TNRC18: variants seen among roughly 807,000 people sequenced by gnomAD.
TNRC18 encodes trinucleotide repeat containing 18, also known as trinucleotide repeat-containing gene 18 protein.
In TNRC18, 69 loss-of-function variants were observed where a neutral mutation model predicts 226.7. The ratio of observed to expected loss-of-function variants is 0.30; its 90% CI spans 0.25 to 0.37. TNRC18 has a LOEUF of 0.37. Ranked by LOEUF, TNRC18 falls within the 10% of genes least tolerant of loss-of-function variation. The pLI is 1.00. For synonymous variants in TNRC18, 2,449 were observed against 1,927.6 expected, an observed-to-expected ratio of 1.27 and a Z score of -7.09; for missense variants, 4,754 against 4,256.6, an observed-to-expected ratio of 1.12 and a Z score of -3.25.
In TNRC18 at chr7:5,394,016, T is replaced by C. The variant is rs1780483490; in HGVS notation, c.343+424A>G. Among the ~76,000 whole-genome samples the C allele has an allele frequency of 1.3e-5, 2 of 152,092 alleles. No homozygotes were observed. Among genetic ancestry groups the C allele is most frequent in the Non-Finnish European group, 1.5e-5 (1 of 68,012 alleles). Reference sequence around the variant, plus strand: ...AGCCACCATGCCCGGCCTGCTCCTGTAATTATTAATGAGCCTACTGTGTAC... The same window carrying C: ...AGCCACCATGCCCGGCCTGCTCCTGCAATTATTAATGAGCCTACTGTGTAC... On this transcript the variant is annotated intron_variant, in intron 3 of 29. Transcript: ENST00000430969. This position sits in a 1 kb window ranked among gnomAD's most constrained non-coding sequence, Gnocchi z 4.5.
In TNRC18 at chr7:5,377,473, C is replaced by T; in HGVS notation, c.2359G>A (p.Gly787Ser). The T allele has an allele frequency of 6.3e-7, 1 of 1,580,320 alleles. No homozygotes were observed. The highest frequency in any genetic ancestry group is 1.3e-5 in the African/African-American group (1 of 74,342). Residue 787 changes from glycine (G) to serine (S), a missense_variant, in exon 7 of 30, where the codon GGC becomes AGC. Gly to Ser is a moderately conservative substitution (Grantham distance 56). Coordinates refer to ENST00000430969, the MANE Select transcript of TNRC18 (RefSeq NM_001080495.3). The surrounding 1 kb of genome is among the most constrained non-coding windows in gnomAD (Gnocchi z 5.8). ...LMVTGGPALA[G>S]SGRWSADPAA... ...GGGTCGGCAGACCAGCGACCTGAGC[C>T]CGCCAGCGCCGGGCCCCCCGTCACC...
At chr7:5,347,936 G>C (rs561641910) in intron 17 of TNRC18, among the ~76,000 whole-genome samples, 4 of 152,282 alleles carry the variant, frequency 2.6e-5, no homozygotes, top group South Asian at 2.1e-4. Flanking sequence ...CTAGGTGACA[G>C]AGCAAGACTC....
At position 5,361,721 on chromosome 7, in the gene TNRC18, C is replaced by G. The variant is rs1793067667; in HGVS notation, c.4534G>C (p.Asp1512His). The G allele has an allele frequency of 6.4e-7, 1 of 1,564,114 alleles. No individual in the cohort carries two copies. Among genetic ancestry groups the G allele is most frequent in the Non-Finnish European group, 8.7e-7 (1 of 1,155,184 alleles). Residue 1512 changes from aspartate to histidine, a missense_variant and splice_region_variant, in exon 14 of 30, where the codon GAC becomes CAC. Asp to His is a moderately conservative substitution (Grantham distance 81). Transcript: ENST00000430969. ...CTTCTATGGGGTTCCTCGCGCCTGT[C>G]CCTTAAAAAGAATCACACGCTTGGC... Reference protein sequence around the residue: ...VKLQRRRDSEDRREEPHRSLA... With the variant: ...VKLQRRRDSEHRREEPHRSLA...
chr7:5,349,576 G>C (rs900605799), intron 17 of TNRC18, among the ~76,000 whole-genome samples: 1 of 152,220 alleles, frequency 6.6e-6, no homozygotes, highest in Admixed American at 6.5e-5. Context: ...ACGGAGGACA[G>C]AAAGAAAAGC....
At chr7:5,322,402 C>T (rs993518089) in intron 21 of TNRC18, among the ~76,000 whole-genome samples, 3 of 152,036 alleles carry the variant, frequency 2.0e-5, no homozygotes, top group Non-Finnish European at 2.9e-5. Context: ...GGGTTCAAGC[C>T]ATCCTCCCAC....
At chr7:5,364,444 C>T (rs1368484068) in intron 11 of TNRC18, among the ~76,000 whole-genome samples, 4 of 127,052 alleles carry the variant, frequency 3.1e-5, no homozygotes, top group South Asian at 2.7e-4. Flanking sequence ...GGCAACAGAG[C>T]GAGCCTGTCT....
rs553519874 is a variant in TNRC18 at position 5,343,421 on chromosome 7, T to C, written c.5719+2141A>G. ...ACAGGATAGTGTAAACATATGCTTT[T>C]GGTTTGGTCTTTTATTTTTGAGACA... On this transcript the variant is annotated intron_variant, in intron 18 of 29. Transcript: ENST00000430969. Among the ~76,000 whole-genome samples, 5 of 152,264 alleles carry C rather than the reference T, an allele frequency of 3.3e-5. No homozygotes were observed. The South Asian group carries it at 1.0e-3, about 32-fold the overall frequency.
intron 3 of TNRC18, among the ~76,000 whole-genome samples, chr7:5,392,813 G>A (rs1290248756): frequency 6.6e-6 from 1 of 152,088 alleles, no homozygotes; most frequent in Non-Finnish European, 1.5e-5. Flanking sequence ...TTCAAGACCA[G>A]CCTGGGACAC....
rs556483829 is a variant in TNRC18, at chr7:5,309,607, G to A, written c.8389-239C>T. On this transcript the variant is annotated intron_variant, in intron 27 of 29. Transcript: ENST00000430969. This position sits in a 1 kb window ranked among gnomAD's most constrained non-coding sequence, Gnocchi z 5.7. ...TGATCTAAGCATTCTGCCGCTACAA[G>A]ACTTCTTATTTTTGAGACAGGGTCT... Among the ~76,000 whole-genome samples the A allele has an allele frequency of 2.6e-5, 4 of 152,372 alleles. No individual in the cohort carries two copies. The highest frequency in any genetic ancestry group is 7.2e-5 in the African/African-American group (3 of 41,592).
Position 5,421,238 on chromosome 7 carries a change from G to C in TNRC18, c.9C>G (p.Gly3=), listed in dbSNP as rs1428265645. 3.8e-6 allele frequency: 5 copies of C among 1,301,444 alleles called. No individual in the cohort carries two copies. The African/African-American group carries it at 7.8e-5, about 20-fold the overall frequency. The allele number at this position is 1,301,444 out of a possible 1,614,324, so 80.6% of individuals were successfully genotyped here. Residue 3 remains glycine (G), a synonymous_variant, in exon 2 of 30, where the codon GGC becomes GGG. Coordinates refer to ENST00000430969, the MANE Select transcript of TNRC18 (RefSeq NM_001080495.3). The stretch of plus-strand genomic sequence containing the variant: ...CGGACCGCTGGGGCCCGAAGTCTCG[G>C]CCATCCATCCTCCGCGGGAGTGCCG... MD[G]RDFGPQRSVH...
At position 5,389,211 on chromosome 7, in the gene TNRC18, G is replaced by T; in HGVS notation, c.613C>A (p.Pro205Thr). 7.4e-7 allele frequency: 1 copy of T among 1,344,250 alleles called. No individual in the cohort carries two copies. Among genetic ancestry groups the T allele is most frequent in the Non-Finnish European group, 9.5e-7 (1 of 1,049,756 alleles). The allele number at this position is 1,344,250 out of a possible 1,614,324, so 83.3% of individuals were successfully genotyped here. A position where few individuals can be genotyped will look rare whatever the true frequency, so the allele number is the denominator to read the frequency against. Residue 205 changes from proline (P) to threonine (T), a missense_variant, in exon 5 of 30, where the codon CCA (proline) becomes ACA (threonine). Physicochemically the swap from Pro to Thr is conservative, Grantham distance 38. Transcript: ENST00000430969. ...CCGCGGCCCGCCCGCTCCTTGGCTGGACCGTCCCGCGACGACGAGCCTTTG... is the reference window on the plus strand; with the variant it reads ...CCGCGGCCCGCCCGCTCCTTGGCTGTACCGTCCCGCGACGACGAGCCTTTG... ...PAKGSSSRDG[P>T]AKERAGRGGE...
intron 9 of TNRC18, among the ~76,000 whole-genome samples, chr7:5,375,731 C>T (rs1794605431): frequency 6.6e-6 from 1 of 152,154 alleles, no homozygotes; most frequent in South Asian, 2.1e-4. Flanking sequence ...CTTCAGTGTC[C>T]AATCACCCTT....
At chr7:5,395,731 C>G (rs1403921316) in intron 2 of TNRC18, among the ~76,000 whole-genome samples, 2 of 152,202 alleles carry the variant, frequency 1.3e-5, no homozygotes, top group African/African-American at 4.8e-5. Context: ...GTGGCTCAAG[C>G]CTATAATCCC....
At chr7:5,382,989 G>A (rs78225961) in intron 5 of TNRC18, among the ~76,000 whole-genome samples, 3 of 152,044 alleles carry the variant, frequency 2.0e-5, no homozygotes, top group African/African-American at 7.3e-5. Context: ...ACCTGCTGGG[G>A]TCAGGTGATC....
intron 10 of TNRC18, among the ~76,000 whole-genome samples, chr7:5,373,754 C>T (rs1174593684): frequency 6.6e-6 from 1 of 152,162 alleles, no homozygotes; most frequent in Non-Finnish European, 1.5e-5. Context: ...TTAGCGCCGA[C>T]TGCATGCTGA....
intron 19 of TNRC18, among the ~76,000 whole-genome samples, chr7:5,328,860 C>T (rs901406642): frequency 3.3e-5 from 5 of 152,014 alleles, no homozygotes; most frequent in Non-Finnish European, 5.9e-5. Context: ...TGTTGGTGTG[C>T]CACTGTGGTC....
chr7:5,414,059 G>T (rs1277752542), intron 2 of TNRC18, among the ~76,000 whole-genome samples: 1 of 151,204 alleles, frequency 6.6e-6, no homozygotes, highest in Non-Finnish European at 1.5e-5. Flanking sequence ...TGATTCTCCT[G>T]CCTCAGCCTC....
rs564477542 is a variant in TNRC18, at chr7:5,398,589, G to A, written c.188-3994C>T. ...CTGCCTTGGCCTCCCAAAGTGCTGGGATTACAGGCATGAGCCACCGTGCCC... is the reference window on the plus strand; with the variant it reads ...CTGCCTTGGCCTCCCAAAGTGCTGGAATTACAGGCATGAGCCACCGTGCCC... On this transcript the variant is annotated intron_variant, in intron 2 of 29. Coordinates refer to ENST00000430969, the MANE Select transcript of TNRC18 (RefSeq NM_001080495.3). 6.9e-4 allele frequency among the ~76,000 whole-genome samples: 104 copies of A among 151,808 alleles called. 1 individual carries two copies. Among genetic ancestry groups the A allele is most frequent in the African/African-American group, 2.3e-3 (95 of 41,364 alleles).
chr7:5,320,913 C>T (rs1035504061), intron 22 of TNRC18, among the ~76,000 whole-genome samples, 160 bp downstream of exon 22: 4 of 152,246 alleles, frequency 2.6e-5, no homozygotes, highest in African/African-American at 7.2e-5. Context: ...TCAAAGTGCC[C>T]AGGGCCTCCC....
Sources: gnomAD v4.1 joint callset for allele counts (sites outside exome capture counted in the v4.1 genomes callset) on GRCh38, gnomAD v4.1.1 for gene constraint, Gnocchi (gnomAD v3.1) non-coding constraint, MANE v1.5 for transcripts, NCBI Gene and HGNC (gene_info 2026-07-23, HGNC 2026-07-21) for gene names.